The following LMO7 variants were observed in gnomAD, a reference collection of about 807,000 sequenced individuals.
LMO7 encodes the protein LIM domain only protein 7.
In LMO7, 120 loss-of-function variants were observed where a neutral mutation model predicts 206.5. The observed-to-expected ratio is 0.58, with a 90% CI of 0.50 to 0.68. The LOEUF is 0.68. Ranked by LOEUF, LMO7 falls within the 30% of genes least tolerant of loss-of-function variation. LMO7 has a pLI of 0.00. For synonymous variants in LMO7, 706 were observed against 681.5 expected, an observed-to-expected ratio of 1.04 and a Z score of -0.56; for missense variants, 1,959 against 1,957.9, an observed-to-expected ratio of 1.00 and a Z score of -0.01.
At chr13:75,847,105 A>G (rs1342212880) in intron 26 of LMO7, among the ~76,000 whole-genome samples, 1 of 152,128 alleles carries the variant, frequency 6.6e-6, no homozygotes. Context: ...CACAAATGTA[A>G]GTATAGTTGT....
At chr13:75,636,799 GC>G (rs967142650) in intron 1 of LMO7, 73 bp downstream of exon 1, 265 of 1,416,450 alleles carry the variant, frequency 1.9e-4, no homozygotes, top group Admixed American at 2.7e-4. Flanking sequence ...GGTGACTGCA[GC>G]CCCAGTCACT....
At chr13:75,707,261 T>G (rs1227145681) in intron 1 of LMO7, among the ~76,000 whole-genome samples, 2 of 152,020 alleles carry the variant, frequency 1.3e-5, no homozygotes, top group African/African-American at 2.4e-5. Context: ...AGTATATTTA[T>G]TCCATGTTTA....
rs57976279 is a variant in LMO7, at chr13:75,751,149, C to CTTTTTTTTTT, written c.211-9763_211-9754dup. Among the ~76,000 whole-genome samples, 35 of 60,422 alleles carry CTTTTTTTTTT rather than the reference C, an allele frequency of 5.8e-4. 3 individuals are homozygous for CTTTTTTTTTT. The highest frequency in any genetic ancestry group is 2.1e-3 in the African/African-American group (31 of 14,846). 39.6% of individuals were successfully genotyped at this position (60,422 alleles called of 152,430 possible). On this transcript the variant is annotated intron_variant, in intron 3 of 30. Transcript: ENST00000377534. ...CATGTACTCAGCTCTTTTTTCAGCT[C>CTTTTTTTTTT]TTTTTTTTTTTTTTTTTTTTTTTTT... is the stretch of plus-strand genomic sequence containing the variant.
intron 4 of LMO7, among the ~76,000 whole-genome samples, chr13:75,782,421 C>T (rs1924094): frequency 0.11 from 16,621 of 152,232 alleles, 1,342 homozygotes; most frequent in East Asian, 0.24. Context: ...TCTCATTAAG[C>T]TTCAGTCTCA....
intron 1 of LMO7, among the ~76,000 whole-genome samples, chr13:75,669,552 G>T (rs747789056): frequency 1.3e-5 from 2 of 152,140 alleles, no homozygotes; most frequent in Non-Finnish European, 2.9e-5. Context: ...GGCAAGGAGA[G>T]ATTGCATGAT....
rs377704593 is a variant in LMO7, at chr13:75,838,914, T to G, written c.3451+718T>G. On this transcript the variant is annotated intron_variant, in intron 20 of 30. Transcript: ENST00000377534. ...TTTGCTACTAAGAACTTAAAAGTAA[T>G]AGTCAACATTTGAGATGCAATGGTC... 2.6e-5 allele frequency among the ~76,000 whole-genome samples: 4 copies of G among 152,232 alleles called. No individual in the cohort carries two copies. The East Asian group carries it at 5.8e-4, about 22-fold the overall frequency.
intron 3 of LMO7, among the ~76,000 whole-genome samples, chr13:75,743,848 G>T (rs1477735142): frequency 6.6e-6 from 1 of 151,832 alleles, no homozygotes; most frequent in African/African-American, 2.4e-5. Flanking sequence ...GTTAAAAAAA[G>T]AACAAAAACC....
chr13:75,750,632 G>A (rs1328570603), intron 3 of LMO7, among the ~76,000 whole-genome samples: 1 of 152,092 alleles, frequency 6.6e-6, no homozygotes, highest in Non-Finnish European at 1.5e-5. Flanking sequence ...TGGTCTCAAG[G>A]AGTTGAGCCC....
chr13:75,817,901 A>G (rs1214374016), intron 12 of LMO7, among the ~76,000 whole-genome samples: 1 of 152,172 alleles, frequency 6.6e-6, no homozygotes, highest in African/African-American at 2.4e-5. Flanking sequence ...TTTTTAATAG[A>G]GTAATTGTCA....
intron 3 of LMO7, among the ~76,000 whole-genome samples, chr13:75,728,140 G>C (rs1043955720): frequency 6.6e-5 from 10 of 152,184 alleles, no homozygotes; most frequent in Non-Finnish European, 1.5e-4. Context: ...TATATACCCA[G>C]TAATGGGATT....
chr13:75,717,067 A>G (rs1383145449), intron 2 of LMO7, among the ~76,000 whole-genome samples: 2 of 152,022 alleles, frequency 1.3e-5, no homozygotes, highest in Non-Finnish European at 2.9e-5. Context: ...GACTCACAGT[A>G]AGAACACTCT....
chr13:75,682,613 C>A (rs1204742769), intron 1 of LMO7, among the ~76,000 whole-genome samples: 3 of 152,052 alleles, frequency 2.0e-5, no homozygotes, highest in Non-Finnish European at 4.4e-5. Context: ...AGGTCAACAT[C>A]AAAAACAGTC....
At chr13:75,776,126 C>CATACATATAT (rs1490326956) in intron 4 of LMO7, among the ~76,000 whole-genome samples, 2 of 73,848 alleles carry the variant, frequency 2.7e-5, no homozygotes, top group East Asian at 8.9e-4. Flanking sequence ...TACATACATA[C>CATACATATAT]ATATATATAT....
At chr13:75,623,259 CT>C (rs781210032) in intron 1 of LMO7, 3 of 1,338,790 alleles carry the variant, frequency 2.2e-6, no homozygotes, top group South Asian at 2.4e-5. Context: ...CTAATCATGA[CT>C]TTTTACACAG....
intron 3 of LMO7, among the ~76,000 whole-genome samples, chr13:75,736,632 A>G (rs1314607062): frequency 6.6e-6 from 1 of 152,252 alleles, no homozygotes; most frequent in East Asian, 1.9e-4. Context: ...GAGGGACGAC[A>G]AGGCAAATAA....
At chr13:75,828,763 G>T (rs759682725) in intron 15 of LMO7, among the ~76,000 whole-genome samples, 2 of 152,186 alleles carry the variant, frequency 1.3e-5, no homozygotes, top group Non-Finnish European at 2.9e-5. Flanking sequence ...CAGGAGTTTA[G>T]GGGAGATCAT....
chr13:75,726,460 T>A (rs1258592078), intron 2 of LMO7, among the ~76,000 whole-genome samples: 3 of 151,954 alleles, frequency 2.0e-5, no homozygotes, highest in Non-Finnish European at 4.4e-5. Flanking sequence ...TTCTGGTACA[T>A]TGAATTTAAT....
chr13:75,662,134 C>G (rs1242549556), intron 1 of LMO7, among the ~76,000 whole-genome samples: 1 of 152,058 alleles, frequency 6.6e-6, no homozygotes, highest in Non-Finnish European at 1.5e-5. Flanking sequence ...AATAGAGCTT[C>G]TAATTTTGTT....
rs201429144 is a variant in LMO7, at chr13:75,825,197, AC to A, written c.2949+1325del. ...TTAAGGAATTGGAAATATATAATTAACATGCTAAGTCTCAGTGGAGAAGAAC... is the reference window on the plus strand; with the variant it reads ...TTAAGGAATTGGAAATATATAATTAAATGCTAAGTCTCAGTGGAGAAGAAC... On this transcript the variant is annotated intron_variant, in intron 15 of 30. Transcript: ENST00000377534. Among the ~76,000 whole-genome samples, 1,148 of 152,320 alleles carry A rather than the reference AC, an allele frequency of 7.5e-3. 19 individuals carry two copies. The highest frequency in any genetic ancestry group is 0.026 in the African/African-American group (1,101 of 41,568).
Sources: gnomAD v4.1 joint callset for allele counts (sites outside exome capture counted in the v4.1 genomes callset) on GRCh38, gnomAD v4.1.1 for gene constraint, MANE v1.5 for transcripts, NCBI Gene and HGNC (gene_info 2026-07-23, HGNC 2026-07-21) for gene names.